APP: variants seen among roughly 807,000 people sequenced by gnomAD.
APP encodes amyloid-beta precursor protein.
A neutral mutation model predicts 101.4 loss-of-function variants in APP; 31 were observed. The ratio of observed to expected loss-of-function variants is 0.31; its 90% CI spans 0.23 to 0.41. APP has a LOEUF of 0.41. Among genes scored for constraint, APP ranks in the 10% least tolerant of loss-of-function variants. The pLI, the probability that APP is intolerant of heterozygous loss-of-function variation, is 1.00. For missense variants in APP, 839 were observed against 1,003.7 expected (o/e 0.84, Z 2.22); for synonymous variants, 366 against 364.4 (o/e 1.00, Z -0.05).
intron 1 of APP, among the ~76,000 whole-genome samples, chr21:26,126,556 G>A (rs935899859): frequency 3.3e-5 from 5 of 152,024 alleles, no homozygotes; most frequent in Non-Finnish European, 5.9e-5. Flanking sequence ...TGCTTTTTGA[G>A]CCCTATGAAC....
In APP at chr21:26,166,950, G is replaced by GTC. The variant is rs1555886403; in HGVS notation, c.57+3613_57+3614insGA. ...AGGGTGTGTGTGTGTGTGTGTGTGT[G>GTC]TGTCTGTCTGTCTGTCTGGTAGAGG... On this transcript the variant is annotated intron_variant, in intron 1 of 17. Coordinates refer to ENST00000346798, the MANE Select transcript of APP (RefSeq NM_000484.4). Among the ~76,000 whole-genome samples, 318 of 150,136 alleles carry GTC rather than the reference G, an allele frequency of 2.1e-3. 2 individuals carry two copies. Among genetic ancestry groups the GTC allele is most frequent in the African/African-American group, 7.3e-3 (291 of 39,888 alleles).
At position 26,112,162 on chromosome 21, in the gene APP, T is replaced by A. The variant is rs2062341014; in HGVS notation, c.58-16A>T. Reference sequence around the variant, plus strand: ...CAGTGGGTACCTGAAAGAAGAAGCTTCAGTTAGTTATAGTATCCATAGCTC... The same window carrying A: ...CAGTGGGTACCTGAAAGAAGAAGCTACAGTTAGTTATAGTATCCATAGCTC... On this transcript the variant is annotated splice_polypyrimidine_tract_variant and intron_variant, in intron 1 of 17. Coordinates refer to ENST00000346798, the MANE Select transcript of APP (RefSeq NM_000484.4). The A allele has an allele frequency of 1.2e-6, 2 of 1,613,260 alleles. No homozygotes were observed. Among genetic ancestry groups the A allele is most frequent in the Admixed American group, 3.3e-5 (2 of 60,000 alleles).
intron 3 of APP, among the ~76,000 whole-genome samples, chr21:26,059,473 T>C (rs545790110): frequency 7.2e-5 from 11 of 152,276 alleles, no homozygotes; most frequent in Middle Eastern, 6.8e-3. Flanking sequence ...CTTGTGAAGA[T>C]AAAACACCAG....
intron 14 of APP, among the ~76,000 whole-genome samples, chr21:25,907,654 G>A (rs1051797195): frequency 6.6e-6 from 1 of 152,202 alleles, no homozygotes; most frequent in South Asian, 2.1e-4. Flanking sequence ...GAGAGAAACA[G>A]AATGGTCAGA....
chr21:26,142,683 C>T lies in APP; in HGVS notation c.57+27881G>A, dbSNP rs950158603. ...ACTCAGGAGGCTGAGGTGGCAGCAT[C>T]GCTTGAGCCCAGGAAGCCGAGGCTG... On this transcript the variant is annotated intron_variant, in intron 1 of 17. Transcript: ENST00000346798. Among the ~76,000 whole-genome samples, 4 of 151,958 alleles carry T rather than the reference C, an allele frequency of 2.6e-5. 1 individual carries two copies. Among genetic ancestry groups the T allele is most frequent in the African/African-American group, 9.7e-5 (4 of 41,364 alleles).
At chr21:26,014,224 T>C (rs2043951791) in intron 6 of APP, among the ~76,000 whole-genome samples, 1 of 152,192 alleles carries the variant, frequency 6.6e-6, no homozygotes, top group African/African-American at 2.4e-5. Context: ...GCAAGTTAAG[T>C]TCACAGTTTA....
At chr21:26,076,813 C>T (rs1252623439) in intron 3 of APP, among the ~76,000 whole-genome samples, 2 of 152,094 alleles carry the variant, frequency 1.3e-5, no homozygotes, top group Admixed American at 6.5e-5. Context: ...CCTGTAATCC[C>T]GGCACTTTGG....
intron 1 of APP, among the ~76,000 whole-genome samples, chr21:26,162,585 A>G (rs2063514168): frequency 6.6e-6 from 1 of 152,086 alleles, no homozygotes; most frequent in African/African-American, 2.4e-5. Flanking sequence ...GTCTATCTCA[A>G]CAGTAGGATT....
chr21:26,144,229 C>CA (rs2063108739), intron 1 of APP, among the ~76,000 whole-genome samples: 1 of 152,158 alleles, frequency 6.6e-6, no homozygotes, highest in African/African-American at 2.4e-5. Context: ...TCCCACTACA[C>CA]ATGGGGATTA....
rs577872858 is a variant in APP at position 25,895,986 on chromosome 21, A to G, written c.2064+1587T>C. Among the ~76,000 whole-genome samples the G allele has an allele frequency of 2.0e-5, 3 of 152,336 alleles. No individual in the cohort carries two copies. The South Asian group carries it at 6.2e-4, about 32-fold the overall frequency. On this transcript the variant is annotated intron_variant, in intron 16 of 17. Transcript: ENST00000346798. ...CTGCCATTAGTCACTGTCGCATTAT[A>G]GGCGTTAGTGTAATTGTGGGGATGG...
chr21:26,167,062 C>G (rs973589048), intron 1 of APP, among the ~76,000 whole-genome samples: 1 of 152,206 alleles, frequency 6.6e-6, no homozygotes. Context: ...TGGAAATTTA[C>G]TACCAGGAAA....
chr21:25,891,305 CAA>C (rs1569013379), intron 17 of APP, among the ~76,000 whole-genome samples: 1 of 151,848 alleles, frequency 6.6e-6, no homozygotes. Context: ...CTATTTAAGA[CAA>C]AAGAAATCCA....
intron 17 of APP, among the ~76,000 whole-genome samples, chr21:25,890,396 G>T (rs529478094): frequency 6.6e-6 from 1 of 152,320 alleles, no homozygotes; most frequent in East Asian, 1.9e-4. Flanking sequence ...TTTCCTTGGG[G>T]ATAGTGGAAT....
intron 1 of APP, among the ~76,000 whole-genome samples, chr21:26,116,290 AT>A (rs1184220985): frequency 6.6e-6 from 1 of 152,232 alleles, no homozygotes; most frequent in Admixed American, 6.5e-5. Context: ...CAGAAAAAAA[AT>A]ATTTTTGAGC....
chr21:25,993,343 T>C (rs1398114927), intron 8 of APP, among the ~76,000 whole-genome samples: 3 of 152,300 alleles, frequency 2.0e-5, no homozygotes, highest in Non-Finnish European at 2.9e-5. Context: ...AGCAAGACTA[T>C]AGGACATCTC....
Position 26,053,279 on chromosome 21 carries a change from T to C in APP, c.425A>G (p.Asp142Gly), listed in dbSNP as rs779288025. The C allele has an allele frequency of 1.2e-6, 2 of 1,613,952 alleles. No homozygotes were observed. The highest frequency in any genetic ancestry group is 1.7e-6 in the Non-Finnish European group (2 of 1,179,854). Residue 142 changes from aspartate to glycine, a missense_variant, in exon 4 of 18, where the codon GAT (aspartate) becomes GGT (glycine). By Grantham distance (94) the Asp-to-Gly change is moderately conservative. Transcript: ENST00000346798. ...KCKFLHQERM[D>G]VCETHLHWHT... The stretch of plus-strand genomic sequence containing the variant: ...CCAGTGAAGATGAGTTTCGCAAACA[T>C]CCATCCTCTCCTGGTGTAAGAATTT...
intron 3 of APP, among the ~76,000 whole-genome samples, chr21:26,070,148 G>T (rs906340609): frequency 1.3e-5 from 2 of 152,186 alleles, no homozygotes; most frequent in Non-Finnish European, 2.9e-5. Context: ...CAATAAAAAT[G>T]TATTTTAGAA....
chr21:26,000,298 A>AG, intron 6 of APP, 116 bp from the exon 7 acceptor site: 1 of 1,292,070 alleles, frequency 7.7e-7, no homozygotes, highest in Non-Finnish European at 1.1e-6. Flanking sequence ...CTGGTTTATT[A>AG]GGCAGCATCT....
intron 17 of APP, among the ~76,000 whole-genome samples, chr21:25,888,862 C>G (rs1033002232): frequency 9.2e-5 from 14 of 152,218 alleles, no homozygotes; most frequent in Admixed American, 5.9e-4. Flanking sequence ...TTTCCACTCC[C>G]TGAGGCTTGC....
Sources: gnomAD v4.1 joint callset for allele counts (sites outside exome capture counted in the v4.1 genomes callset) on GRCh38, gnomAD v4.1.1 for gene constraint, MANE v1.5 for transcripts, NCBI Gene and HGNC (gene_info 2026-07-23, HGNC 2026-07-21) for gene names.